Variants in SLC25A21 observed in about 807,000 individuals in gnomAD.
SLC25A21 encodes the protein solute carrier family 25 member 21.
SLC25A21 carries 47 observed loss-of-function variants against 43.8 expected under a neutral mutation model. The ratio of observed to expected loss-of-function variants is 1.07; its 90% CI spans 0.85 to 1.37. SLC25A21 has a LOEUF of 1.37. Ranked by LOEUF, SLC25A21 falls within the 40% of genes most tolerant of loss-of-function variation. The pLI is 0.00. For missense variants in SLC25A21, 352 were observed against 350.2 expected (o/e 1.00, Z -0.04); for synonymous variants, 131 against 121.3 (o/e 1.08, Z -0.52).
At chr14:37,164,934 C>A (rs956958304) in intron 1 of SLC25A21, among the ~76,000 whole-genome samples, 1 of 152,208 alleles carries the variant, frequency 6.6e-6, no homozygotes, top group Non-Finnish European at 1.5e-5. Context: ...GATAACACTA[C>A]ACAAAGTACT....
chr14:36,795,809 C>T (rs1248281679), intron 3 of SLC25A21, among the ~76,000 whole-genome samples: 4 of 152,212 alleles, frequency 2.6e-5, no homozygotes, highest in East Asian at 3.9e-4. Flanking sequence ...ACCCATAGTA[C>T]GAATTGGAGA....
chr14:36,713,893 G>T (rs1201170825), intron 6 of SLC25A21, among the ~76,000 whole-genome samples: 2 of 152,118 alleles, frequency 1.3e-5, no homozygotes, highest in Non-Finnish European at 2.9e-5. Flanking sequence ...GACTAAGGAG[G>T]CTGACGCAGG....
chr14:37,128,534 C>CTGTGTG (rs1307864585), intron 1 of SLC25A21, among the ~76,000 whole-genome samples: 7 of 97,946 alleles, frequency 7.1e-5, no homozygotes, highest in East Asian at 7.9e-4. Flanking sequence ...CTCTCTCTCT[C>CTGTGTG]TCTCTGTGTG....
At chr14:36,944,322 G>T (rs1892634147) in intron 1 of SLC25A21, among the ~76,000 whole-genome samples, 2 of 152,170 alleles carry the variant, frequency 1.3e-5, no homozygotes, top group Admixed American at 1.3e-4. Flanking sequence ...TGGGCTTTGA[G>T]AAATTGTTAT....
chr14:37,107,024 G>T (rs1301482347), intron 1 of SLC25A21, among the ~76,000 whole-genome samples: 1 of 152,044 alleles, frequency 6.6e-6, no homozygotes, highest in Non-Finnish European at 1.5e-5. Context: ...GTAATTTCAG[G>T]TATAGATATT....
chr14:37,057,729 C>T (rs1961861383), intron 1 of SLC25A21, among the ~76,000 whole-genome samples: 2 of 152,110 alleles, frequency 1.3e-5, no homozygotes, highest in South Asian at 2.1e-4. Context: ...AGAAGTTTTC[C>T]TTTGGTAAAA....
intron 1 of SLC25A21, among the ~76,000 whole-genome samples, chr14:37,170,126 C>A (rs754208427): frequency 6.6e-6 from 1 of 151,962 alleles, no homozygotes; most frequent in African/African-American, 2.4e-5. Flanking sequence ...ACCTCCGCCT[C>A]CTGGGTTCAA....
At chr14:36,720,985 G>A (rs1594521822) in intron 6 of SLC25A21, among the ~76,000 whole-genome samples, 3 of 152,178 alleles carry the variant, frequency 2.0e-5, no homozygotes, top group Admixed American at 6.5e-5. Flanking sequence ...CTTGCTCAGT[G>A]AGCTGTGCTG....
intron 3 of SLC25A21, among the ~76,000 whole-genome samples, chr14:36,779,551 TTA>T (rs34720693): frequency 0.16 from 22,158 of 140,798 alleles, 2,065 homozygotes; most frequent in South Asian, 0.24. Context: ...AAACATATTC[TTA>T]TATATATGAA....
intron 2 of SLC25A21, among the ~76,000 whole-genome samples, chr14:36,835,170 G>T (rs1221269665): frequency 6.6e-6 from 1 of 152,106 alleles, no homozygotes; most frequent in African/African-American, 2.4e-5. Context: ...TCATGCTGAG[G>T]GTTAAATTTC....
chr14:36,762,352 C>T (rs945374490), intron 3 of SLC25A21, among the ~76,000 whole-genome samples: 3 of 152,204 alleles, frequency 2.0e-5, no homozygotes, highest in African/African-American at 2.4e-5. Context: ...CTCAGGAACA[C>T]TGCCCGGCAG....
intron 7 of SLC25A21, among the ~76,000 whole-genome samples, chr14:36,685,713 C>T (rs1300759703): frequency 3.3e-5 from 5 of 152,092 alleles, no homozygotes; most frequent in Non-Finnish European, 7.4e-5. Flanking sequence ...TTTGATTTTC[C>T]ACCCCTCCCT....
At chr14:36,932,427 T>C (rs1400621132) in intron 1 of SLC25A21, among the ~76,000 whole-genome samples, 1 of 152,064 alleles carries the variant, frequency 6.6e-6, no homozygotes, top group Non-Finnish European at 1.5e-5. Flanking sequence ...AAGTAGTACT[T>C]CCTTTTACTT....
chr14:36,931,712 A>G (rs1892297828), intron 1 of SLC25A21, among the ~76,000 whole-genome samples: 1 of 152,176 alleles, frequency 6.6e-6, no homozygotes, highest in Non-Finnish European at 1.5e-5. Context: ...AATCTAATGC[A>G]GTAAAGCAGG....
intron 3 of SLC25A21, among the ~76,000 whole-genome samples, chr14:36,741,097 C>A (rs1326516284): frequency 6.6e-6 from 1 of 152,088 alleles, no homozygotes; most frequent in Non-Finnish European, 1.5e-5. Context: ...GTCCTGTCTG[C>A]CCCTCCTTTT....
chr14:36,768,945 A>AAC (rs1200143930), intron 3 of SLC25A21, among the ~76,000 whole-genome samples: 1 of 146,224 alleles, frequency 6.8e-6, no homozygotes, highest in Non-Finnish European at 1.5e-5. Flanking sequence ...AAAAAAAAAA[A>AAC]AACAAAAACC....
rs80219840 is a variant in SLC25A21, at chr14:36,770,595, A to G, written c.204-36022T>C. On this transcript the variant is annotated intron_variant, in intron 3 of 9. Transcript: ENST00000331299. ...CATCTATTTCAGAAAGCATTACACTATATATACACAGCATTTGTTGTTGAT... is the reference window on the plus strand; with the variant it reads ...CATCTATTTCAGAAAGCATTACACTGTATATACACAGCATTTGTTGTTGAT... Among the ~76,000 whole-genome samples the G allele has an allele frequency of 9.3e-3, 1,409 of 152,262 alleles. 31 individuals carry two copies. Among genetic ancestry groups the G allele is most frequent in the African/African-American group, 0.032 (1,348 of 41,542 alleles).
chr14:36,679,224 A>C lies in SLC25A21; in HGVS notation c.*1434T>G, dbSNP rs914752111. On this transcript the variant is annotated 3_prime_UTR_variant, in exon 10 of 10. Coordinates refer to ENST00000331299, the MANE Select transcript of SLC25A21 (RefSeq NM_030631.4). Reference sequence around the variant, plus strand: ...TTTGTTTTTAATGACCCTTTTATTGAATATTGGACTGAAATATAAATTTTA... The same window carrying C: ...TTTGTTTTTAATGACCCTTTTATTGCATATTGGACTGAAATATAAATTTTA... 1.0e-6 allele frequency: 1 copy of C among 984,396 alleles called. No homozygotes were observed. Among genetic ancestry groups the C allele is most frequent in the Non-Finnish European group, 1.2e-6 (1 of 829,164 alleles). The allele number at this position is 984,396 out of a possible 1,614,324, so 61.0% of individuals were successfully genotyped here.
At position 37,171,276 on chromosome 14, in the gene SLC25A21, T is replaced by C. The variant is rs576113654; in HGVS notation, c.70+1005A>G. On this transcript the variant is annotated intron_variant, in intron 1 of 9. Transcript: ENST00000331299. ...GTGGCTGCTTACGTTACTCCTGAGATGCAAGTAGATCATGACATAATGATA... is the reference window on the plus strand; with the variant it reads ...GTGGCTGCTTACGTTACTCCTGAGACGCAAGTAGATCATGACATAATGATA... Among the ~76,000 whole-genome samples the C allele has an allele frequency of 7.2e-5, 11 of 152,308 alleles. No homozygotes were observed. The East Asian group carries it at 1.9e-3, about 27-fold the overall frequency.
Sources: allele counts gnomAD v4.1 joint callset (sites outside exome capture counted in the v4.1 genomes callset), GRCh38; gene constraint gnomAD v4.1.1; transcripts MANE v1.5; gene names NCBI Gene and HGNC (gene_info 2026-07-23, HGNC 2026-07-21).